MTAP: variants seen among roughly 807,000 people sequenced by gnomAD.
The protein encoded by MTAP is S-methyl-5'-thioadenosine phosphorylase.
MTAP carries 33 observed loss-of-function variants against 33.6 expected under a neutral mutation model. The observed-to-expected ratio is 0.98, with a 90% confidence interval of 0.74 to 1.31. The LOEUF (loss-of-function observed/expected upper bound fraction) is 1.31. Among genes scored for constraint, MTAP ranks in the 40% most tolerant of loss-of-function variants. The pLI is 0.00. For synonymous variants in MTAP, 148 were observed against 125.7 expected, an observed-to-expected ratio of 1.18 and a Z score of -1.19; for missense variants, 367 against 360.0, an observed-to-expected ratio of 1.02 and a Z score of -0.16.
At position 21,865,333 on chromosome 9, in the gene MTAP, C is replaced by A; in HGVS notation, c.*3319C>A. ...CCCCTTCTGCCACGATTGTAAGTTT[C>A]CTGAGGCCTTCCCAGCTATGTGGAA... On this transcript the variant is annotated 3_prime_UTR_variant, in exon 8 of 8. Coordinates refer to ENST00000644715, the MANE Select transcript of MTAP (RefSeq NM_002451.4). 1 of 672,744 alleles carries A rather than the reference C, an allele frequency of 1.5e-6. No individual in the cohort carries two copies. The highest frequency in any genetic ancestry group is 1.8e-6 in the Non-Finnish European group (1 of 544,722). The allele number at this position is 672,744 out of a possible 1,614,324, so 41.7% of individuals were successfully genotyped here. A position where few individuals can be genotyped will look rare whatever the true frequency, so the allele number is the denominator to read the frequency against.
intron 1 of MTAP, among the ~76,000 whole-genome samples, chr9:21,896,740 A>C (rs1225309595): frequency 6.6e-6 from 1 of 152,184 alleles, no homozygotes; most frequent in Non-Finnish European, 1.5e-5. Flanking sequence ...GGCAATAATT[A>C]ACACCCTACC....
rs1360380505 is a variant in MTAP at position 21,892,972 on chromosome 9, T to C, written c.148-38036T>C. 2.6e-5 allele frequency: 4 copies of C among 152,344 alleles called. No homozygotes were observed. In the East Asian group the frequency reaches 7.7e-4, roughly 29 times the overall value. The allele number at this position is 152,344 out of a possible 1,614,324, so 9.4% of individuals were successfully genotyped here. On this transcript the variant is annotated intron_variant, in intron 1 of 1. Transcript: ENST00000577563. ...AATAGAAATCAATAGTGAAAAGATATTTCAAAATTATACAATTACATGGAA... is the reference window on the plus strand; with the variant it reads ...AATAGAAATCAATAGTGAAAAGATACTTCAAAATTATACAATTACATGGAA...
intron 1 of MTAP, among the ~76,000 whole-genome samples, chr9:21,914,132 T>A (rs1033823360): frequency 2.6e-5 from 4 of 151,920 alleles, no homozygotes; most frequent in Non-Finnish European, 4.4e-5. Flanking sequence ...CAGGAAACAA[T>A]AGGTGCTGGA....
chr9:21,873,615 CCA>C (rs372381431), intron 1 of MTAP, among the ~76,000 whole-genome samples: 3,568 of 107,934 alleles, frequency 0.033, 180 homozygotes, highest in African/African-American at 0.12. Context: ...CCCCCGCCCC[CCA>C]CCCCAAGAAC....
intron 1 of MTAP, among the ~76,000 whole-genome samples, chr9:21,874,012 A>G (rs1189938335): frequency 6.6e-6 from 1 of 152,170 alleles, no homozygotes; most frequent in Non-Finnish European, 1.5e-5. Context: ...CTCAGTCTTA[A>G]AAACTCCACA....
At chr9:21,891,530 TGGAAA>T (rs1818200639) in intron 1 of MTAP, among the ~76,000 whole-genome samples, 1 of 152,022 alleles carries the variant, frequency 6.6e-6, no homozygotes, top group African/African-American at 2.4e-5. Flanking sequence ...AACCAAGCTA[TGGAAA>T]TAAACTCAGA....
In MTAP at chr9:21,872,379, A is replaced by AT. The variant is rs546387616; in HGVS notation, c.147+17517dup. On this transcript the variant is annotated intron_variant, in intron 1 of 1. Coordinates refer to the MTAP transcript ENST00000577563. ...CTTTTGATTGAATAGTAAAACCAATATTTTTTTTAAAGGAAGGCTACTTCC... is the reference window on the plus strand; with the variant it reads ...CTTTTGATTGAATAGTAAAACCAATATTTTTTTTTAAAGGAAGGCTACTTCC... Among the ~76,000 whole-genome samples the AT allele has an allele frequency of 1.1e-3, 162 of 152,042 alleles. 1 individual carries two copies. The highest frequency in any genetic ancestry group is 3.5e-3 in the African/African-American group (147 of 41,516).
intron 1 of MTAP, among the ~76,000 whole-genome samples, chr9:21,810,127 A>T (rs1475080487): frequency 1.3e-5 from 2 of 152,256 alleles, no homozygotes; most frequent in Non-Finnish European, 2.9e-5. Flanking sequence ...TGGGTAGCTT[A>T]TGCAACAGAA....
intron 1 of MTAP, among the ~76,000 whole-genome samples, chr9:21,885,041 A>G (rs1818087646): frequency 6.6e-6 from 1 of 152,166 alleles, no homozygotes; most frequent in Admixed American, 6.5e-5. Context: ...TACCGGAACT[A>G]TCTCAATGTG....
At position 21,832,925 on chromosome 9, in the gene MTAP, A is replaced by C. The variant is rs75578919; in HGVS notation, c.348-4983A>C. Among the ~76,000 whole-genome samples, 959 of 152,302 alleles carry C rather than the reference A, an allele frequency of 6.3e-3. 23 individuals are homozygous for C. The highest frequency in any genetic ancestry group is 0.056 in the East Asian group (288 of 5,174). ...TCCTTCCCTTTTACAAAAGGTGAGAAAACTGAGGCCCAAAGAGGTTGTTGT... is the reference window on the plus strand; with the variant it reads ...TCCTTCCCTTTTACAAAAGGTGAGACAACTGAGGCCCAAAGAGGTTGTTGT... On this transcript the variant is annotated intron_variant, in intron 4 of 7. Coordinates refer to ENST00000644715, the MANE Select transcript of MTAP (RefSeq NM_002451.4).
chr9:21,805,480 A>T (rs1824185796), intron 1 of MTAP, among the ~76,000 whole-genome samples: 1 of 152,218 alleles, frequency 6.6e-6, no homozygotes, highest in African/African-American at 2.4e-5. Flanking sequence ...CAGCAGTAAG[A>T]TTCCATTGGG....
intron 1 of MTAP, among the ~76,000 whole-genome samples, chr9:21,891,094 C>G (rs954961379): frequency 3.3e-5 from 5 of 152,080 alleles, no homozygotes; most frequent in African/African-American, 1.2e-4. Flanking sequence ...TGGCCATAGT[C>G]AAACCATCAA....
intron 1 of MTAP, among the ~76,000 whole-genome samples, chr9:21,883,542 A>G (rs1005521216): frequency 6.6e-6 from 1 of 152,200 alleles, no homozygotes. Flanking sequence ...AAACCCCACA[A>G]TAGCCTAAAC....
intron 1 of MTAP, among the ~76,000 whole-genome samples, chr9:21,881,253 C>T (rs1196791807): frequency 6.6e-6 from 1 of 151,930 alleles, no homozygotes; most frequent in Admixed American, 6.6e-5. Flanking sequence ...CAAAAATTAA[C>T]TCAAAATGGA....
At chr9:21,849,497 T>G (rs113450118) in intron 5 of MTAP, among the ~76,000 whole-genome samples, 13 of 152,280 alleles carry the variant, frequency 8.5e-5, no homozygotes, top group African/African-American at 2.6e-4. Flanking sequence ...AGTGCCAGAA[T>G]GCATAACTGG....
chr9:21,835,357 A>C (rs1825080249), intron 4 of MTAP, among the ~76,000 whole-genome samples: 1 of 152,216 alleles, frequency 6.6e-6, no homozygotes, highest in African/African-American at 2.4e-5. Flanking sequence ...GAAGCTGAGT[A>C]ATTTGCCCAA....
At chr9:21,846,540 C>T (rs1233181705) in intron 5 of MTAP, among the ~76,000 whole-genome samples, 3 of 152,090 alleles carry the variant, frequency 2.0e-5, no homozygotes, top group Non-Finnish European at 4.4e-5. Flanking sequence ...AATGCGATAC[C>T]ACCTTACTCC....
intron 1 of MTAP, among the ~76,000 whole-genome samples, chr9:21,913,994 A>G (rs1410342456): frequency 6.6e-6 from 1 of 152,248 alleles, no homozygotes; most frequent in African/African-American, 2.4e-5. Context: ...ACTTCTCAAA[A>G]GAAGACATTT....
intron 5 of MTAP, among the ~76,000 whole-genome samples, chr9:21,850,458 G>A (rs1825483684): frequency 6.6e-6 from 1 of 152,182 alleles, no homozygotes; most frequent in Admixed American, 6.5e-5. Flanking sequence ...AACAGGAGAA[G>A]GCTCTGCAAC....
Sources: gnomAD v4.1 joint callset for allele counts (sites outside exome capture counted in the v4.1 genomes callset) on GRCh38, gnomAD v4.1.1 for gene constraint, MANE v1.5 for transcripts, NCBI Gene and HGNC (gene_info 2026-07-23, HGNC 2026-07-21) for gene names.